The following CYB5R3 variants were observed in gnomAD, a reference collection of about 807,000 sequenced individuals.
The protein encoded by CYB5R3 is NADH-cytochrome b5 reductase 3.
Under a neutral mutation model 36.5 loss-of-function variants are expected in CYB5R3, and 28 were observed. The ratio of observed to expected loss-of-function variants is 0.77; its 90% CI spans 0.57 to 1.05. CYB5R3 has a LOEUF of 1.05. Ranked by LOEUF, CYB5R3 falls within the 50% of genes least tolerant of loss-of-function variation. The pLI, the probability that CYB5R3 is intolerant of heterozygous loss-of-function variation, is 0.00. For missense variants in CYB5R3, 474 were observed against 408.9 expected, an observed-to-expected ratio of 1.16 and a Z score of -1.37; for synonymous variants, 181 against 159.8, an observed-to-expected ratio of 1.13 and a Z score of -1.00.
intron 7 of CYB5R3, 50 bp from the exon 8 acceptor site, chr22:42,623,938 C>G: frequency 6.7e-7 from 1 of 1,497,184 alleles, no homozygotes; most frequent in Non-Finnish European, 9.3e-7. Context: ...GCAGACTGCC[C>G]CTGGAGACAC....
intron 1 of CYB5R3, among the ~76,000 whole-genome samples, chr22:42,638,396 C>CAAA (rs1206825251): frequency 0.028 from 1,018 of 36,392 alleles, 56 homozygotes; most frequent in Non-Finnish European, 0.039. Flanking sequence ...AACTCCATCT[C>CAAA]AAAAAAAAAA....
At chr22:42,644,866 C>A (rs1180707303) in intron 1 of CYB5R3, among the ~76,000 whole-genome samples, 1 of 152,172 alleles carries the variant, frequency 6.6e-6, no homozygotes, top group Non-Finnish European at 1.5e-5. Flanking sequence ...GGCCCCTCCG[C>A]GGGCAGCTGG....
At chr22:42,644,890 G>A (rs926124523) in intron 1 of CYB5R3, among the ~76,000 whole-genome samples, 3 of 152,124 alleles carry the variant, frequency 2.0e-5, no homozygotes, top group Non-Finnish European at 2.9e-5. Flanking sequence ...CACGGGCTGC[G>A]AGGCACCTTC....
rs144071404 is a variant in CYB5R3 at position 42,619,922 on chromosome 22, C to T, written c.757G>A (p.Val253Met). ...PEAWDYGQGFVNEEMIRDHLP... is the reference protein window; with the variant it reads ...PEAWDYGQGFMNEEMIRDHLP... ...TGGTCCCGGATCATCTCCTCATTCA[C>T]GAAGCCCTGGCCGTAGTCCCAGGCT... Residue 253 changes from valine (V) to methionine (M), a missense_variant, in exon 9 of 9, where the codon GTG (valine) becomes ATG (methionine). Transcript: ENST00000352397. 6.3e-5 allele frequency: 101 copies of T among 1,605,364 alleles called. 1 individual carries two copies. The highest frequency in any genetic ancestry group is 3.3e-4 in the Middle Eastern group (2 of 6,076).
intron 7 of CYB5R3, among the ~76,000 whole-genome samples, chr22:42,625,644 G>A (rs763762425): frequency 6.6e-6 from 1 of 152,104 alleles, no homozygotes; most frequent in Non-Finnish European, 1.5e-5. Flanking sequence ...AACCTTGGGG[G>A]GCTGCTACTC....
intron 2 of CYB5R3, among the ~76,000 whole-genome samples, chr22:42,635,829 T>C (rs1427236511): frequency 2.0e-5 from 3 of 152,182 alleles, no homozygotes; most frequent in African/African-American, 7.2e-5. Flanking sequence ...GGAGGGGCTC[T>C]GAAGAGGGCA....
chr22:42,627,987 AC>A (rs932023966), intron 5 of CYB5R3, among the ~76,000 whole-genome samples, 164 bp downstream of exon 5: 14 of 152,030 alleles, frequency 9.2e-5, no homozygotes, highest in Non-Finnish European at 1.8e-4. Context: ...CCAGCAACTT[AC>A]CCCCTCTACA....
Position 42,627,294 on chromosome 22 carries a change from G to T in CYB5R3, c.633+10C>A. 1 of 1,612,726 alleles carries T rather than the reference G, an allele frequency of 6.2e-7. No homozygotes were observed. The highest frequency in any genetic ancestry group is 8.5e-7 in the Non-Finnish European group (1 of 1,178,986). ...AGCTGAGTTTCCCCATCATGGGGAT[G>T]CCCACTGACCTGGTTGGCAAAGAGC... On this transcript the variant is annotated intron_variant, in intron 7 of 8. Coordinates refer to ENST00000352397, the MANE Select transcript of CYB5R3 (RefSeq NM_000398.7).
chr22:42,630,506 G>A (rs959574580), intron 4 of CYB5R3, among the ~76,000 whole-genome samples: 15 of 152,210 alleles, frequency 9.9e-5, no homozygotes, highest in African/African-American at 2.9e-4. Flanking sequence ...CGTCTGTACC[G>A]CCAGCCGGCC....
chr22:42,630,917 C>G lies in CYB5R3; in HGVS notation c.298G>C (p.Asp100His). The G allele has an allele frequency of 6.2e-7, 1 of 1,613,990 alleles. No individual in the cohort carries two copies. The change falls in exon 4 of 9, where the codon GAT becomes CAT. Residue 100 changes from aspartate to histidine, a missense_variant. Coordinates refer to ENST00000352397, the MANE Select transcript of CYB5R3 (RefSeq NM_000398.7). ...AGGTCCACGAAGCCCTTGTCATCAT[C>G]GCTGGAGATGGGTGTATAGGGCCGG... is the stretch of plus-strand genomic sequence containing the variant. ...VVRPYTPISS[D>H]DDKGFVDLVI...
intron 1 of CYB5R3, among the ~76,000 whole-genome samples, chr22:42,643,187 G>C (rs575793225): frequency 1.3e-5 from 2 of 152,270 alleles, no homozygotes; most frequent in East Asian, 3.9e-4. Flanking sequence ...CCAACAATTT[G>C]AGGAGGACGC....
chr22:42,638,751 G>T (rs1929056041), intron 1 of CYB5R3, among the ~76,000 whole-genome samples: 1 of 71,036 alleles, frequency 1.4e-5, no homozygotes, highest in South Asian at 4.9e-4. Context: ...AAAAAAAAAA[G>T]GCCGGGCGCG....
At chr22:42,631,777 G>GC (rs1390770567) in intron 2 of CYB5R3, 1 of 421,764 alleles carries the variant, frequency 2.4e-6, no homozygotes, top group Non-Finnish European at 4.4e-6. Context: ...ATCCATCTCT[G>GC]CCATCAGCTC....
chr22:42,648,673 C>A (rs1840379409), intron 1 of CYB5R3, among the ~76,000 whole-genome samples: 1 of 152,142 alleles, frequency 6.6e-6, no homozygotes. Flanking sequence ...TCAGTGGGAG[C>A]CTGGCCTTGA....
intron 5 of CYB5R3, 61 bp from the exon 6 acceptor site, chr22:42,627,749 G>T: frequency 7.8e-7 from 1 of 1,281,480 alleles, no homozygotes; most frequent in Non-Finnish European, 1.1e-6. Context: ...TGGCTGGAGA[G>T]GCTGGAGAGG....
At chr22:42,630,856 C>T in intron 4 of CYB5R3, 26 bp downstream of exon 4, 1 of 1,592,096 alleles carries the variant, frequency 6.3e-7, no homozygotes, top group Admixed American at 1.7e-5. Flanking sequence ...CACACCCCCT[C>T]CACAGTCATG....
chr22:42,640,082 A>G, intron 1 of CYB5R3: 3 of 1,613,924 alleles, frequency 1.9e-6, no homozygotes, highest in Non-Finnish European at 2.5e-6. Context: ...AGCTGTTTGA[A>G]GCTACCAGTC....
At chr22:42,630,789 A>G (rs1928568260) in intron 4 of CYB5R3, 93 bp downstream of exon 4, 1 of 1,096,842 alleles carries the variant, frequency 9.1e-7, no homozygotes, top group Admixed American at 2.0e-5. Context: ...ACAGGGCAGG[A>G]GCGGGAGACT....
intron 1 of CYB5R3, among the ~76,000 whole-genome samples, chr22:42,641,928 C>T (rs553266961): frequency 9.9e-5 from 15 of 152,250 alleles, no homozygotes; most frequent in East Asian, 1.9e-4. Flanking sequence ...CCAGCCTATA[C>T]GTGGACTGTC....
Sources: gnomAD v4.1 joint callset for allele counts (sites outside exome capture counted in the v4.1 genomes callset) on GRCh38, gnomAD v4.1.1 for gene constraint, MANE v1.5 for transcripts, NCBI Gene and HGNC (gene_info 2026-07-23, HGNC 2026-07-21) for gene names.